Variants in MEGF8 observed in about 807,000 individuals in gnomAD.
MEGF8 encodes the protein multiple epidermal growth factor-like domains protein 8.
In MEGF8, 156 loss-of-function variants were observed where a neutral mutation model predicts 302.9. The ratio of observed to expected loss-of-function variants is 0.52; its 90% confidence interval spans 0.45 to 0.59. The LOEUF is 0.59. Ranked by LOEUF, MEGF8 falls within the 20% of genes least tolerant of loss-of-function variation. The pLI is 0.00. For missense variants in MEGF8, 3,345 were observed against 3,964.5 expected, an observed-to-expected ratio of 0.84 and a Z score of 4.20; for synonymous variants, 1,621 against 1,660.5, an observed-to-expected ratio of 0.98 and a Z score of 0.58.
At position 42,344,766 on chromosome 19, in the gene MEGF8, A is replaced by T. The variant is rs535539556; in HGVS notation, c.2030A>T (p.Gln677Leu). The change falls in exon 12 of 42, where the codon CAG becomes CTG. Residue 677 changes from glutamine to leucine, a missense_variant. Physicochemically the swap from Gln to Leu is moderately radical, Grantham distance 113. Transcript: ENST00000251268. The surrounding 1 kb of genome is among the most constrained non-coding windows in gnomAD (Gnocchi z 4.5). ...FVTSLEACVT[Q>L]SFLPGLHLLT... The stretch of plus-strand genomic sequence containing the variant: ...ACGTCCCTGGAGGCCTGCGTCACCC[A>T]GAGCTTCCTGCCTGGCCTGCACTTG... 1.9e-6 allele frequency: 3 copies of T among 1,611,774 alleles called. No individual in the cohort carries two copies. The highest frequency in any genetic ancestry group is 2.7e-5 in the African/African-American group (2 of 74,978).
Position 42,351,237 on chromosome 19 carries a change from C to G in MEGF8, c.2758C>G (p.Gln920Glu), listed in dbSNP as rs1251984988. The change falls in exon 16 of 42, where the codon CAG becomes GAG. Residue 920 changes from glutamine to glutamate, a missense_variant. Gln to Glu is a conservative substitution (Grantham distance 29). Transcript: ENST00000251268. This position sits in a 1 kb window ranked among gnomAD's most constrained non-coding sequence, Gnocchi z 5.6. ...CTQDPFCEWH[Q>E]STSRKGDAAC... ...CCAGGACCCCTTCTGTGAGTGGCATCAGAGCACCAGCCGCAAAGGGGACGC... is the reference window on the plus strand; with the variant it reads ...CCAGGACCCCTTCTGTGAGTGGCATGAGAGCACCAGCCGCAAAGGGGACGC... The G allele has an allele frequency of 1.3e-6, 2 of 1,564,428 alleles. No homozygotes were observed. The highest frequency in any genetic ancestry group is 2.3e-5 in the South Asian group (2 of 85,116).
At position 42,376,443 on chromosome 19, in the gene MEGF8, C is replaced by T. The variant is rs1343860491; in HGVS notation, c.8206C>T (p.Leu2736=). ...CTCTGAGCCCTTCCTGGCACCCCTG[C>T]TGCTGACAGGGGCCGGTGGGCCCTG... ...RRSEPFLAPL[L]LTGAGGPWGP... Residue 2736 remains leucine (L), a synonymous_variant, in exon 42 of 42, where the codon CTG becomes TTG. Transcript: ENST00000251268. This position sits in a 1 kb window ranked among gnomAD's most constrained non-coding sequence, Gnocchi z 8.2. 16 of 1,611,652 alleles carry T rather than the reference C, an allele frequency of 9.9e-6. No homozygotes were observed. Among genetic ancestry groups the T allele is most frequent in the Non-Finnish European group, 1.3e-5 (15 of 1,179,404 alleles).
Position 42,354,708 on chromosome 19 carries a change from C to G in MEGF8, c.4132C>G (p.Gln1378Glu). 6.2e-7 allele frequency: 1 copy of G among 1,605,626 alleles called. No homozygotes were observed. The highest frequency in any genetic ancestry group is 8.5e-7 in the Non-Finnish European group (1 of 1,178,262). Residue 1378 changes from glutamine (Q) to glutamate (E), a missense_variant, in exon 23 of 42, where the codon CAG (glutamine) becomes GAG (glutamate). Transcript: ENST00000251268. The surrounding 1 kb of genome is among the most constrained non-coding windows in gnomAD (Gnocchi z 4.3). ...GQRRDRPLTV[Q>E]ALSGLLVLHW... is the part of the protein sequence containing the mutation. ...GCGACGGGACAGGCCCCTCACTGTT[C>G]AGGCCCTGTCTGGTACGGGGGCTAG...
chr19:42,332,448 A>G (rs1254263089), intron 1 of MEGF8, among the ~76,000 whole-genome samples: 1 of 151,618 alleles, frequency 6.6e-6, no homozygotes, highest in Non-Finnish European at 1.5e-5. Flanking sequence ...GCTCACTGCA[A>G]CCTCTGCCTC....
Position 42,376,288 on chromosome 19 carries a change from G to A in MEGF8, c.8051G>A (p.Arg2684Gln), listed in dbSNP as rs749352975. ...CTGGACCAGCGGCAGGAGCAGCGCCGGCACTTGCAGGAGATGACCAAGATG... is the reference window on the plus strand; with the variant it reads ...CTGGACCAGCGGCAGGAGCAGCGCCAGCACTTGCAGGAGATGACCAAGATG... ...QALDQRQEQRRHLQEMTKMAS... is the reference protein window; with the variant it reads ...QALDQRQEQRQHLQEMTKMAS... Residue 2684 changes from arginine to glutamine, a missense_variant, in exon 42 of 42, where the codon CGG (arginine) becomes CAG (glutamine). Physicochemically the swap from Arg to Gln is conservative, Grantham distance 43. Transcript: ENST00000251268. This position sits in a 1 kb window ranked among gnomAD's most constrained non-coding sequence, Gnocchi z 8.2. 5 of 1,612,400 alleles carry A rather than the reference G, an allele frequency of 3.1e-6. No individual in the cohort carries two copies. The highest frequency in any genetic ancestry group is 1.1e-5 in the South Asian group (1 of 90,946).
rs765049885 is a variant in MEGF8, at chr19:42,378,097, C to A, written c.*1322C>A. 5.3e-5 allele frequency: 8 copies of A among 152,128 alleles called. No homozygotes were observed. Among genetic ancestry groups the A allele is most frequent in the Admixed American group, 3.9e-4 (6 of 15,248 alleles). 9.4% of individuals were successfully genotyped at this position (152,128 alleles called of 1,614,324 possible). On this transcript the variant is annotated 3_prime_UTR_variant, in exon 42 of 42. Transcript: ENST00000251268. The stretch of plus-strand genomic sequence containing the variant: ...CTGGTTCTTGACATGAGATGCCCTT[C>A]AGACATCTCTTCACTCAGGTCCAAC...
chr19:42,355,106 G>A (rs1244773968), intron 23 of MEGF8, among the ~76,000 whole-genome samples: 1 of 152,106 alleles, frequency 6.6e-6, no homozygotes, highest in African/African-American at 2.4e-5. Context: ...ACAGGCGCAT[G>A]CCACCATGCC....
At position 42,375,975 on chromosome 19, in the gene MEGF8, G is replaced by A; in HGVS notation, c.7738G>A (p.Val2580Met). ...GCGGGGCCTGATTACCTACGTGACG[G>A]TGACGGAGCCGTCGGCAGTGCTGGT... ...WPRGLITYVTVTEPSAVLVVR... is the reference protein window; with the variant it reads ...WPRGLITYVTMTEPSAVLVVR... The change falls in exon 42 of 42, where the codon GTG becomes ATG. Residue 2580 changes from valine (V) to methionine (M), a missense_variant. By Grantham distance (21) the Val-to-Met change is conservative. Coordinates refer to ENST00000251268, the MANE Select transcript of MEGF8 (RefSeq NM_001271938.2). This position sits in a 1 kb window ranked among gnomAD's most constrained non-coding sequence, Gnocchi z 7.1. 1 of 1,606,852 alleles carries A rather than the reference G, an allele frequency of 6.2e-7. No individual in the cohort carries two copies. Among genetic ancestry groups the A allele is most frequent in the Non-Finnish European group, 8.5e-7 (1 of 1,177,720 alleles).
chr19:42,376,237 T>G lies in MEGF8; in HGVS notation c.8000T>G (p.Val2667Gly). 6.2e-7 allele frequency: 1 copy of G among 1,606,512 alleles called. No individual in the cohort carries two copies. Among genetic ancestry groups the G allele is most frequent in the Non-Finnish European group, 8.5e-7 (1 of 1,176,662 alleles). ...SCFFLFLSLC[V>G]LLWKAKQALD... The stretch of plus-strand genomic sequence containing the variant: ...TTCTTCCTCTTCCTCTCACTCTGTG[T>G]GCTCCTCTGGAAGGCCAAGCAGGCT... The change falls in exon 42 of 42, where the codon GTG becomes GGG. Residue 2667 changes from valine (V) to glycine (G), a missense_variant. Val to Gly is a moderately radical substitution (Grantham distance 109). Transcript: ENST00000251268. This position sits in a 1 kb window ranked among gnomAD's most constrained non-coding sequence, Gnocchi z 8.2.
Position 42,351,009 on chromosome 19 carries a change from A to C in MEGF8, c.2737-207A>C. ...ACCCGGACCACACAGAAGGGGTGCTATTGCCTAAAGGAGACAGTGGGTGCT... is the reference window on the plus strand; with the variant it reads ...ACCCGGACCACACAGAAGGGGTGCTCTTGCCTAAAGGAGACAGTGGGTGCT... On this transcript the variant is annotated intron_variant, in intron 15 of 41. Transcript: ENST00000251268. The surrounding 1 kb of genome is among the most constrained non-coding windows in gnomAD (Gnocchi z 5.6). 1 of 589,990 alleles carries C rather than the reference A, an allele frequency of 1.7e-6. No homozygotes were observed. The highest frequency in any genetic ancestry group is 3.0e-6 in the Non-Finnish European group (1 of 330,224). The allele number at this position is 589,990 out of a possible 1,614,324, so 36.5% of individuals were successfully genotyped here.
chr19:42,336,384 A>G lies in MEGF8; in HGVS notation c.1244+38A>G. The G allele has an allele frequency of 4.5e-6, 7 of 1,541,446 alleles. No individual in the cohort carries two copies. The highest frequency in any genetic ancestry group is 6.1e-6 in the Non-Finnish European group (7 of 1,144,992). Reference sequence around the variant, plus strand: ...TCCCATAACCCATGCTCCACAGGCCAGGCCCAGCTCAACACCATAGGCCTT... The same window carrying G: ...TCCCATAACCCATGCTCCACAGGCCGGGCCCAGCTCAACACCATAGGCCTT... On this transcript the variant is annotated intron_variant, in intron 6 of 41. Coordinates refer to ENST00000251268, the MANE Select transcript of MEGF8 (RefSeq NM_001271938.2). This position sits in a 1 kb window ranked among gnomAD's most constrained non-coding sequence, Gnocchi z 4.8.
Position 42,336,127 on chromosome 19 carries a change from T to C in MEGF8, c.1025T>C (p.Val342Ala), listed in dbSNP as rs866157624. 2 of 1,608,388 alleles carry C rather than the reference T, an allele frequency of 1.2e-6. No homozygotes were observed. Among genetic ancestry groups the C allele is most frequent in the African/African-American group, 2.7e-5 (2 of 74,922 alleles). The stretch of plus-strand genomic sequence containing the variant: ...CTGGCAGGTCACGCGGCTGCCCTGG[T>C]GGATGATGTCTGGCTATATGTGTCT... ...PGLAGHAAALVDDVWLYVSGG... is the reference protein window; with the variant it reads ...PGLAGHAAALADDVWLYVSGG... Residue 342 changes from valine to alanine, a missense_variant, in exon 6 of 42, where the codon GTG becomes GCG. Val to Ala is a moderately conservative substitution (Grantham distance 64). Coordinates refer to ENST00000251268, the MANE Select transcript of MEGF8 (RefSeq NM_001271938.2). This position sits in a 1 kb window ranked among gnomAD's most constrained non-coding sequence, Gnocchi z 4.8.
chr19:42,328,978 T>C (rs561939176), intron 1 of MEGF8, among the ~76,000 whole-genome samples: 4 of 152,124 alleles, frequency 2.6e-5, no homozygotes, highest in East Asian at 3.9e-4. Context: ...GGGGTGGATG[T>C]ACCTAGGGAG....
rs923731802 is a variant in MEGF8, at chr19:42,351,948, G to A, written c.3101+187G>A. ...TTTTCTCCATTTTTCCTCCTTTTCC[G>A]GCTCTCTGCGATTCGTTTTCTTTCT... is the stretch of plus-strand genomic sequence containing the variant. On this transcript the variant is annotated intron_variant, in intron 18 of 41. Transcript: ENST00000251268. The surrounding 1 kb of genome is among the most constrained non-coding windows in gnomAD (Gnocchi z 5.6). 2.6e-5 allele frequency among the ~76,000 whole-genome samples: 4 copies of A among 151,480 alleles called. No homozygotes were observed. The highest frequency in any genetic ancestry group is 4.9e-5 in the African/African-American group (2 of 41,152).
chr19:42,360,462 T>C (rs1329191104), intron 31 of MEGF8, among the ~76,000 whole-genome samples: 1 of 151,784 alleles, frequency 6.6e-6, no homozygotes, highest in East Asian at 1.9e-4. Context: ...CCTCCTAATT[T>C]AGCTTCCCAA....
chr19:42,352,060 C>T lies in MEGF8; in HGVS notation c.3102-148C>T, dbSNP rs975922394. On this transcript the variant is annotated intron_variant, in intron 18 of 41. Coordinates refer to ENST00000251268, the MANE Select transcript of MEGF8 (RefSeq NM_001271938.2). This position sits in a 1 kb window ranked among gnomAD's most constrained non-coding sequence, Gnocchi z 4.4. Reference sequence around the variant, plus strand: ...TGTCTTCCAAAATTGTTTTTGTCTGCGACTTCTCCTGGTTTCTCTGTCTCT... The same window carrying T: ...TGTCTTCCAAAATTGTTTTTGTCTGTGACTTCTCCTGGTTTCTCTGTCTCT... 2.7e-5 allele frequency: 30 copies of T among 1,115,514 alleles called. No homozygotes were observed. The highest frequency in any genetic ancestry group is 2.2e-4 in the Middle Eastern group (1 of 4,478). 69.1% of individuals were successfully genotyped at this position (1,115,514 alleles called of 1,614,324 possible). A position where few individuals can be genotyped will look rare whatever the true frequency, so the allele number is the denominator to read the frequency against.
At chr19:42,327,081 A>T (rs753052698) in intron 1 of MEGF8, among the ~76,000 whole-genome samples, 7 of 152,204 alleles carry the variant, frequency 4.6e-5, no homozygotes, top group Non-Finnish European at 8.8e-5. Context: ...CACAAATGGG[A>T]TAACAACAGT....
chr19:42,361,490 G>A (rs958744641), intron 32 of MEGF8, among the ~76,000 whole-genome samples: 5 of 152,192 alleles, frequency 3.3e-5, no homozygotes, highest in South Asian at 2.1e-4. Context: ...TTATTTGCCC[G>A]AAGGGTGTGT....
rs1174809027 is a variant in MEGF8, at chr19:42,369,604, C to T, written c.6715C>T (p.Arg2239Cys). Residue 2239 changes from arginine to cysteine, a missense_variant, in exon 38 of 42, where the codon CGC becomes TGC. By Grantham distance (180) the Arg-to-Cys change is radical (BLOSUM62 -3). Transcript: ENST00000251268. This position sits in a 1 kb window ranked among gnomAD's most constrained non-coding sequence, Gnocchi z 5.7. ...NGSCVEPDHC[R>C]CHFGFVGRNC... ...CTCATGTGTGGAGCCCGACCACTGC[C>T]GCTGCCACTTTGGCTTTGTGGGCCG... is the stretch of plus-strand genomic sequence containing the variant. 3 of 1,612,786 alleles carry T rather than the reference C, an allele frequency of 1.9e-6. No individual in the cohort carries two copies. The highest frequency in any genetic ancestry group is 2.5e-6 in the Non-Finnish European group (3 of 1,179,792).
Sources: allele counts gnomAD v4.1 joint callset (sites outside exome capture counted in the v4.1 genomes callset), GRCh38; gene constraint gnomAD v4.1.1; non-coding constraint Gnocchi (gnomAD v3.1); transcripts MANE v1.5; gene names NCBI Gene and HGNC (gene_info 2026-07-23, HGNC 2026-07-21).